The following VEZT variants were observed in gnomAD, a reference collection of about 807,000 sequenced individuals.
The protein encoded by VEZT is vezatin.
A neutral mutation model predicts 79.9 loss-of-function variants in VEZT; 39 were observed. The ratio of observed to expected loss-of-function variants is 0.49; its 90% CI spans 0.38 to 0.64. VEZT has a LOEUF of 0.64. Among genes scored for constraint, VEZT ranks in the 30% least tolerant of loss-of-function variants. The pLI, the probability that VEZT is intolerant of heterozygous loss-of-function variation, is 0.00. For synonymous variants in VEZT, 325 were observed against 327.6 expected, an observed-to-expected ratio of 0.99 and a Z score of 0.09; for missense variants, 837 against 893.1, an observed-to-expected ratio of 0.94 and a Z score of 0.80.
Position 95,282,367 on chromosome 12 carries a change from C to G in VEZT, c.1051C>G (p.Leu351Val). The G allele has an allele frequency of 6.2e-7, 1 of 1,613,854 alleles. No individual in the cohort carries two copies. The highest frequency in any genetic ancestry group is 1.1e-5 in the South Asian group (1 of 91,078). Reference protein sequence around the residue: ...QSSEFFRRLALLLSTANSPPG... With the variant: ...QSSEFFRRLAVLLSTANSPPG... ...TTCAGAGTTCTTCAGACGGTTAGCC[C>G]TATTACTTTCTACAGCCAATTCACC... The change falls in exon 8 of 12, where the codon CTA (leucine) becomes GTA (valine). Residue 351 changes from leucine to valine, a missense_variant. Transcript: ENST00000436874.
chr12:95,294,420 A>G, intron 10 of VEZT, 48 bp downstream of exon 10: 2 of 1,400,934 alleles, frequency 1.4e-6, no homozygotes, highest in Non-Finnish European at 2.0e-6. Flanking sequence ...TTCTGTTTCT[A>G]ATGAGCTTCA....
intron 1 of VEZT, among the ~76,000 whole-genome samples, chr12:95,225,246 C>T (rs887616227): frequency 3.9e-5 from 6 of 152,166 alleles, no homozygotes; most frequent in Non-Finnish European, 1.5e-5. Context: ...GCTATATGCT[C>T]ATGAAGACAA....
chr12:95,302,390 CTAAA>C lies in VEZT; in HGVS notation c.*1721_*1724del, dbSNP rs2075307133. 1 of 152,090 alleles carries C rather than the reference CTAAA, an allele frequency of 6.6e-6. No homozygotes were observed. Among genetic ancestry groups the C allele is most frequent in the Non-Finnish European group, 1.5e-5 (1 of 67,996 alleles). The allele number at this position is 152,090 out of a possible 1,614,324, so 9.4% of individuals were successfully genotyped here. On this transcript the variant is annotated 3_prime_UTR_variant, in exon 12 of 12. Coordinates refer to ENST00000436874, the MANE Select transcript of VEZT (RefSeq NM_017599.4). ...GGTGATACCTTTTAATTTTGAAAGA[CTAAA>C]TAATTTTAATCGAGAATTTCCAGTC...
At chr12:95,280,892 AT>A (rs1227951373) in intron 7 of VEZT, among the ~76,000 whole-genome samples, 1 of 152,228 alleles carries the variant, frequency 6.6e-6, no homozygotes, top group African/African-American at 2.4e-5. Context: ...ATCCCTAGAT[AT>A]CACATCTGTA....
chr12:95,287,011 G>A (rs2071116452), intron 8 of VEZT, among the ~76,000 whole-genome samples: 1 of 151,378 alleles, frequency 6.6e-6, no homozygotes, highest in African/African-American at 2.4e-5. Flanking sequence ...GTAGGGAGGG[G>A]CGGTGGATAT....
intron 7 of VEZT, among the ~76,000 whole-genome samples, chr12:95,280,042 A>G (rs899299805): frequency 2.0e-5 from 3 of 152,196 alleles, no homozygotes; most frequent in Non-Finnish European, 4.4e-5. Flanking sequence ...TCCAGAGTCC[A>G]TCTGCTGCTC....
Position 95,283,870 on chromosome 12 carries a change from G to A in VEZT, c.1328+1226G>A, listed in dbSNP as rs570034725. On this transcript the variant is annotated intron_variant, in intron 8 of 11. Transcript: ENST00000436874. ...CCCTGCCTTCTACAGGGAACTGGGC[G>A]ATAAGGCCATCTCCACTTGAGTGGG... 2.8e-4 allele frequency among the ~76,000 whole-genome samples: 43 copies of A among 152,316 alleles called. 1 individual carries two copies. The South Asian group carries it at 6.0e-3, about 21-fold the overall frequency.
At chr12:95,260,960 C>A (rs1010732030) in intron 3 of VEZT, among the ~76,000 whole-genome samples, 2 of 128,490 alleles carry the variant, frequency 1.6e-5, no homozygotes. Context: ...AAATATGAAA[C>A]ATAAAAGTGC....
At chr12:95,227,487 C>T (rs950360406) in intron 1 of VEZT, among the ~76,000 whole-genome samples, 3 of 152,030 alleles carry the variant, frequency 2.0e-5, no homozygotes, top group Non-Finnish European at 4.4e-5. Flanking sequence ...ATTACAGGTG[C>T]ATGCCACCAC....
chr12:95,256,293 C>T (rs1377930752), intron 2 of VEZT, among the ~76,000 whole-genome samples: 2 of 152,124 alleles, frequency 1.3e-5, no homozygotes, highest in Non-Finnish European at 2.9e-5. Context: ...TCAGGTGCTC[C>T]GCCCTCCTCG....
rs1314762452 is a variant in VEZT, at chr12:95,260,707, A to C, written c.259-2199A>C. Reference sequence around the variant, plus strand: ...TATGGTCTAAAGCTTTTGTAGCAAAAGTTTGATTTTTAATACTTGCATTGA... The same window carrying C: ...TATGGTCTAAAGCTTTTGTAGCAAACGTTTGATTTTTAATACTTGCATTGA... On this transcript the variant is annotated intron_variant, in intron 3 of 11. Coordinates refer to ENST00000436874, the MANE Select transcript of VEZT (RefSeq NM_017599.4). 2.0e-5 allele frequency among the ~76,000 whole-genome samples: 3 copies of C among 152,228 alleles called. No homozygotes were observed. The South Asian group carries it at 6.2e-4, about 31-fold the overall frequency.
In VEZT at chr12:95,296,083, T is replaced by C; in HGVS notation, c.1656T>C (p.Ile552=). ...ELEAYVDDID[I]DSDFRKDDFY... ...AAGCTTATGTAGATGATATAGATATTGATAGTGATTTCAGAAAGGATGATT... is the reference window on the plus strand; with the variant it reads ...AAGCTTATGTAGATGATATAGATATCGATAGTGATTTCAGAAAGGATGATT... The change falls in exon 11 of 12, where the codon ATT becomes ATC. Residue 552 remains isoleucine, a synonymous_variant. Coordinates refer to ENST00000436874, the MANE Select transcript of VEZT (RefSeq NM_017599.4). The C allele has an allele frequency of 9.6e-6, 15 of 1,556,704 alleles. No homozygotes were observed. Among genetic ancestry groups the C allele is most frequent in the Non-Finnish European group, 1.3e-5 (15 of 1,149,044 alleles).
chr12:95,251,019 G>C (rs976318367), intron 1 of VEZT, among the ~76,000 whole-genome samples: 6 of 151,952 alleles, frequency 3.9e-5, no homozygotes, highest in African/African-American at 1.2e-4. Context: ...GTTTTTGTTT[G>C]TTTGTTTTGA....
At chr12:95,258,520 G>A (rs997713954) in intron 3 of VEZT, among the ~76,000 whole-genome samples, 10 of 152,152 alleles carry the variant, frequency 6.6e-5, no homozygotes, top group African/African-American at 1.4e-4. Flanking sequence ...GGCTTTTGGC[G>A]TGAGATTGCT....
At chr12:95,297,365 T>A (rs557394114) in intron 11 of VEZT, among the ~76,000 whole-genome samples, 15 of 152,228 alleles carry the variant, frequency 9.9e-5, no homozygotes, top group Admixed American at 1.3e-4. Flanking sequence ...AGTACATAGA[T>A]TACCTATACT....
At chr12:95,247,066 G>A (rs2061824205) in intron 1 of VEZT, among the ~76,000 whole-genome samples, 1 of 152,114 alleles carries the variant, frequency 6.6e-6, no homozygotes, top group Non-Finnish European at 1.5e-5. Flanking sequence ...TCCCCTTGCT[G>A]TAAAAGAAAA....
intron 5 of VEZT, among the ~76,000 whole-genome samples, chr12:95,268,218 G>A (rs757831691): frequency 4.6e-5 from 7 of 150,700 alleles, no homozygotes; most frequent in Non-Finnish European, 8.9e-5. Flanking sequence ...ATTTCCGGCC[G>A]GGCACGGTGG....
chr12:95,241,392 G>A (rs541212459), intron 1 of VEZT, among the ~76,000 whole-genome samples: 52 of 152,050 alleles, frequency 3.4e-4, no homozygotes, highest in African/African-American at 1.2e-3. Flanking sequence ...CTGCAGCCTT[G>A]ACTCCAGGCT....
At chr12:95,270,824 A>G (rs2066443799) in intron 6 of VEZT, among the ~76,000 whole-genome samples, 1 of 152,240 alleles carries the variant, frequency 6.6e-6, no homozygotes, top group African/African-American at 2.4e-5. Context: ...ACTTAAATTT[A>G]TTAAAATAGG....
Sources: allele counts gnomAD v4.1 joint callset (sites outside exome capture counted in the v4.1 genomes callset), GRCh38; gene constraint gnomAD v4.1.1; transcripts MANE v1.5; gene names NCBI Gene and HGNC (gene_info 2026-07-23, HGNC 2026-07-21).